The following NF1 variants were observed in gnomAD, a reference collection of about 807,000 sequenced individuals.
NF1 encodes neurofibromin 1, also known as neurofibromin.
Under a neutral mutation model 325.7 loss-of-function variants are expected in NF1, and 122 were observed. The ratio of observed to expected loss-of-function variants is 0.37; its 90% CI spans 0.32 to 0.44. The LOEUF (loss-of-function observed/expected upper bound fraction) is 0.44, where lower values mean the gene tolerates loss of function less well. Among genes scored for constraint, NF1 ranks in the 20% least tolerant of loss-of-function variants. NF1 has a pLI of 1.00. For missense variants in NF1, 2,140 were observed against 3,415.4 expected, an observed-to-expected ratio of 0.63 and a Z score of 9.31; for synonymous variants, 1,091 against 1,186.0, an observed-to-expected ratio of 0.92 and a Z score of 1.65.
At chr17:31,153,889 C>T (rs1441769837) in intron 1 of NF1, among the ~76,000 whole-genome samples, 2 of 151,700 alleles carry the variant, frequency 1.3e-5, no homozygotes, top group Non-Finnish European at 2.9e-5. Context: ...GCTGGGATTA[C>T]AGGCATGAGC....
intron 5 of NF1, among the ~76,000 whole-genome samples, chr17:31,177,328 T>A (rs2066042262): frequency 6.6e-6 from 1 of 152,032 alleles, no homozygotes; most frequent in African/African-American, 2.4e-5. Flanking sequence ...AGCAGAGGGT[T>A]CTGCCTGTTA....
At chr17:31,132,329 G>A (rs1041259844) in intron 1 of NF1, among the ~76,000 whole-genome samples, 5 of 152,098 alleles carry the variant, frequency 3.3e-5, no homozygotes, top group African/African-American at 1.2e-4. Context: ...ATCACTTGAA[G>A]TCGAGAGTTT....
At chr17:31,369,646 C>A (rs1426003102) in intron 57 of NF1, among the ~76,000 whole-genome samples, 1 of 152,158 alleles carries the variant, frequency 6.6e-6, no homozygotes, top group Non-Finnish European at 1.5e-5. Flanking sequence ...AAAAGAGATA[C>A]CAGAATACAA....
intron 36 of NF1, among the ~76,000 whole-genome samples, chr17:31,293,148 AGCCTGGG>A (rs1179674071): frequency 7.9e-6 from 1 of 126,274 alleles, no homozygotes; most frequent in Non-Finnish European, 1.6e-5. Flanking sequence ...ATTGCACTCC[AGCCTGGG>A]GGATAAGAGC....
chr17:31,161,226 TA>T (rs1192782925), intron 3 of NF1, among the ~76,000 whole-genome samples: 1 of 152,234 alleles, frequency 6.6e-6, no homozygotes, highest in African/African-American at 2.4e-5. Flanking sequence ...TTAAAAGATT[TA>T]ATACTTCTTA....
At chr17:31,104,209 A>G (rs1242469945) in intron 1 of NF1, among the ~76,000 whole-genome samples, 1 of 152,082 alleles carries the variant, frequency 6.6e-6, no homozygotes, top group Admixed American at 6.6e-5. Context: ...TTTTTGTTGT[A>G]GCTTTCAAAT....
intron 36 of NF1, among the ~76,000 whole-genome samples, chr17:31,319,755 GAAA>G (rs71142045): frequency 1.1e-4 from 13 of 117,878 alleles, no homozygotes; most frequent in South Asian, 2.5e-4. Flanking sequence ...AAAATCTGAA[GAAA>G]AAAAAAAAAA....
intron 36 of NF1, among the ~76,000 whole-genome samples, chr17:31,273,777 A>C (rs957800214): frequency 6.6e-6 from 1 of 152,220 alleles, no homozygotes; most frequent in Non-Finnish European, 1.5e-5. Context: ...AGACTTTGGC[A>C]GAGATTAAAG....
Position 31,327,637 on chromosome 17 carries a change from A to G in NF1, c.5407A>G (p.Ile1803Val), listed in dbSNP as rs559910904. The change falls in exon 38 of 58, where the codon ATT becomes GTT. Residue 1803 changes from isoleucine to valine, a missense_variant. Transcript: ENST00000358273. ...LVDENQFTLT[I>V]ANQGTPLTFM... is the part of the protein sequence containing the mutation. ...AGATGAGAACCAGTTCACCTTAACC[A>G]TTGCAAACCAGGGCACGCCGCTCAC... 1.7e-5 allele frequency: 27 copies of G among 1,614,094 alleles called. No homozygotes were observed. Among genetic ancestry groups the G allele is most frequent in the South Asian group, 6.6e-5 (6 of 91,074 alleles).
chr17:31,259,260 T>G (rs2067643129), intron 33 of NF1, 131 bp downstream of exon 33: 1 of 601,748 alleles, frequency 1.7e-6, no homozygotes, highest in East Asian at 2.8e-5. Context: ...GGTCAAGACA[T>G]AGCTTGTCTT....
chr17:31,174,308 A>G (rs1261105984), intron 5 of NF1, among the ~76,000 whole-genome samples: 1 of 152,234 alleles, frequency 6.6e-6, no homozygotes, highest in African/African-American at 2.4e-5. Context: ...AAGAAAATGA[A>G]CATACTTTTA....
chr17:31,192,265 G>T (rs974304363), intron 8 of NF1, among the ~76,000 whole-genome samples: 1 of 152,168 alleles, frequency 6.6e-6, no homozygotes, highest in African/African-American at 2.4e-5. Flanking sequence ...CAGCCATCAG[G>T]AGTTCCTGAG....
At chr17:31,126,379 C>G (rs1426115173) in intron 1 of NF1, among the ~76,000 whole-genome samples, 1 of 151,626 alleles carries the variant, frequency 6.6e-6, no homozygotes, top group African/African-American at 2.4e-5. Context: ...TACTTTTTGC[C>G]CATTTTTCTG....
chr17:31,263,120 T>TAGATAGATA lies in NF1; in HGVS notation c.4724+1268_4724+1269insGATAAGATA, dbSNP rs149743607. On this transcript the variant is annotated intron_variant, in intron 35 of 57. Coordinates refer to ENST00000358273, the MANE Select transcript of NF1 (RefSeq NM_001042492.3). The stretch of plus-strand genomic sequence containing the variant: ...GTAGGTAGGTAGGTAGATAGATAGA[T>TAGATAGATA]AGATAAGATAAGATAAGATAAGATA... 2.6e-4 allele frequency among the ~76,000 whole-genome samples: 25 copies of TAGATAGATA among 95,768 alleles called. 1 individual carries two copies. The highest frequency in any genetic ancestry group is 6.3e-4 in the African/African-American group (23 of 36,686). The allele number at this position is 95,768 out of a possible 152,430, so 62.8% of individuals were successfully genotyped here.
intron 38 of NF1, among the ~76,000 whole-genome samples, chr17:31,329,686 A>G (rs957242771): frequency 3.9e-5 from 6 of 152,208 alleles, no homozygotes; most frequent in African/African-American, 1.4e-4. Flanking sequence ...GTGGTTATAT[A>G]TGATGTAATG....
rs1335800376 is a variant in NF1, at chr17:31,360,615, T to G, written c.8289T>G (p.Pro2763=). 1.9e-6 allele frequency: 3 copies of G among 1,613,970 alleles called. No individual in the cohort carries two copies. Among genetic ancestry groups the G allele is most frequent in the African/African-American group, 1.3e-5 (1 of 74,890 alleles). The change falls in exon 57 of 58, where the codon CCT becomes CCG. Residue 2763 remains proline, a synonymous_variant. Coordinates refer to ENST00000358273, the MANE Select transcript of NF1 (RefSeq NM_001042492.3). ...TCCTGACTCCCACATCTCCTTACCC[T>G]CCTGCACTGCAGAGCCAGCTTAGTA... The part of the protein sequence containing the change: ...ESLLTPTSPY[P]PALQSQLSIT...
chr17:31,160,345 C>A (rs2065741264), intron 3 of NF1, among the ~76,000 whole-genome samples: 1 of 152,174 alleles, frequency 6.6e-6, no homozygotes, highest in Non-Finnish European at 1.5e-5. Flanking sequence ...ATTTTAGCCT[C>A]CCAAACTCCT....
intron 57 of NF1, among the ~76,000 whole-genome samples, chr17:31,367,036 G>C (rs2854319): frequency 0.45 from 68,548 of 151,436 alleles, 18,987 homozygotes; most frequent in Non-Finnish European, 0.62. Flanking sequence ...CTACAAAGTT[G>C]TAAGTTCTCT....
chr17:31,305,066 G>C (rs2068676004), intron 36 of NF1: 2 of 1,614,010 alleles, frequency 1.2e-6, no homozygotes, highest in South Asian at 2.2e-5. Context: ...ATAAATCCTG[G>C]TGTACTCCTA....
Sources: allele counts gnomAD v4.1 joint callset (sites outside exome capture counted in the v4.1 genomes callset), GRCh38; gene constraint gnomAD v4.1.1; transcripts MANE v1.5; gene names NCBI Gene and HGNC (gene_info 2026-07-23, HGNC 2026-07-21).